The following SPATA16 variants were observed in gnomAD, a reference collection of about 807,000 sequenced individuals.
SPATA16 encodes spermatogenesis associated 16, also known as spermatogenesis-associated protein 16.
A neutral mutation model predicts 63.3 loss-of-function variants in SPATA16; 36 were observed. That is an observed-to-expected ratio of 0.57 (90% CI 0.44 to 0.75). The LOEUF (loss-of-function observed/expected upper bound fraction) is 0.75, where lower values mean the gene tolerates loss of function less well. Among genes scored for constraint, SPATA16 ranks in the 30% least tolerant of loss-of-function variants. The probability of loss-of-function intolerance (pLI) is 0.00; values close to 1 mark genes in which losing one functional copy is unlikely to be tolerated. For synonymous variants in SPATA16, 203 were observed against 216.7 expected (o/e 0.94, Z 0.56); for missense variants, 646 against 679.3 (o/e 0.95, Z 0.54).
intron 1 of SPATA16, among the ~76,000 whole-genome samples, chr3:173,128,387 C>T (rs1738283566): frequency 1.3e-5 from 2 of 152,056 alleles, no homozygotes; most frequent in Non-Finnish European, 2.9e-5. Flanking sequence ...TCTGTAATGA[C>T]CTGTGTCAGT....
intron 3 of SPATA16, among the ~76,000 whole-genome samples, chr3:173,023,653 C>T (rs1007013020): frequency 6.6e-6 from 1 of 151,572 alleles, no homozygotes; most frequent in Admixed American, 6.6e-5. Context: ...TGTGGCATTT[C>T]TCTTCTTTAT....
chr3:172,932,062 A>G (rs992152054), intron 6 of SPATA16, among the ~76,000 whole-genome samples: 3 of 152,218 alleles, frequency 2.0e-5, no homozygotes, highest in Non-Finnish European at 2.9e-5. Flanking sequence ...ACTCATCTAT[A>G]TATGTGAGGG....
At chr3:172,906,514 AAATTCC>A (rs1732241146) in intron 10 of SPATA16, among the ~76,000 whole-genome samples, 2 of 152,232 alleles carry the variant, frequency 1.3e-5, no homozygotes, top group Admixed American at 1.3e-4. Context: ...GTTTATAGCC[AAATTCC>A]ACTTTGGTTG....
chr3:173,052,036 C>T (rs148127123), intron 2 of SPATA16, among the ~76,000 whole-genome samples: 2 of 151,996 alleles, frequency 1.3e-5, no homozygotes, highest in Non-Finnish European at 2.9e-5. Context: ...GTCTTGAACT[C>T]CTGACCTCAG....
rs886460977 is a variant in SPATA16 at position 173,048,645 on chromosome 3, A to G, written c.758+304T>C. On this transcript the variant is annotated intron_variant, in intron 3 of 10. Coordinates refer to ENST00000351008, the MANE Select transcript of SPATA16 (RefSeq NM_031955.6). The stretch of plus-strand genomic sequence containing the variant: ...TTTCGACAATCCCTCTTACGATTCA[A>G]TACCACCTCCCTTACTTACCTATTC... 2.0e-5 allele frequency among the ~76,000 whole-genome samples: 3 copies of G among 152,030 alleles called. No individual in the cohort carries two copies. In the East Asian group the frequency reaches 5.8e-4, roughly 29 times the overall value.
chr3:172,947,986 A>G (rs2109613450), intron 6 of SPATA16, among the ~76,000 whole-genome samples: 1 of 152,304 alleles, frequency 6.6e-6, no homozygotes, highest in Non-Finnish European at 1.5e-5. Context: ...TTCAAGATCT[A>G]GAAAACAATC....
At chr3:172,994,374 C>T (rs1734650791) in intron 4 of SPATA16, among the ~76,000 whole-genome samples, 3 of 152,074 alleles carry the variant, frequency 2.0e-5, no homozygotes, top group Admixed American at 1.3e-4. Context: ...TGGGAGAAAG[C>T]AGAATCAGAG....
chr3:173,083,004 A>G (rs1736960948), intron 2 of SPATA16, among the ~76,000 whole-genome samples: 1 of 152,202 alleles, frequency 6.6e-6, no homozygotes, highest in South Asian at 2.1e-4. Flanking sequence ...ATAAAATAAA[A>G]GAAATGCTAG....
Position 172,889,834 on chromosome 3 carries a change from A to G in SPATA16, c.1588-142T>C, listed in dbSNP as rs1731857924. 8.4e-6 allele frequency: 10 copies of G among 1,197,216 alleles called. No homozygotes were observed. In the South Asian group the frequency reaches 1.5e-4, roughly 18 times the overall value. 74.2% of individuals were successfully genotyped at this position (1,197,216 alleles called of 1,614,324 possible). On this transcript the variant is annotated intron_variant, in intron 10 of 10. Coordinates refer to ENST00000351008, the MANE Select transcript of SPATA16 (RefSeq NM_031955.6). ...AACTGGCAGAAACAGAAATGATTAC[A>G]CATAAAAGCCTTCTTCTGTTTCCAT...
At chr3:172,999,281 C>T (rs1560092271) in intron 4 of SPATA16, among the ~76,000 whole-genome samples, 2 of 152,124 alleles carry the variant, frequency 1.3e-5, no homozygotes, top group Non-Finnish European at 2.9e-5. Context: ...CAGATTATGT[C>T]TTTCAAGGAG....
intron 4 of SPATA16, among the ~76,000 whole-genome samples, chr3:172,992,729 TCAGAAGACTCAAGG>T (rs1272929188): frequency 6.6e-6 from 1 of 151,984 alleles, no homozygotes; most frequent in East Asian, 1.9e-4. Flanking sequence ...AAGATGAACA[TCAGAAGACTCAAGG>T]CCCTGCCCAA....
chr3:172,970,965 CAA>C (rs757182050), intron 5 of SPATA16, among the ~76,000 whole-genome samples: 1 of 152,022 alleles, frequency 6.6e-6, no homozygotes, highest in Non-Finnish European at 1.5e-5. Context: ...AGAAGAAAAA[CAA>C]AGAATAGAAG....
At chr3:173,026,110 T>G (rs1735447628) in intron 3 of SPATA16, among the ~76,000 whole-genome samples, 1 of 151,998 alleles carries the variant, frequency 6.6e-6, no homozygotes, top group Non-Finnish European at 1.5e-5. Flanking sequence ...GCGTGTGTTG[T>G]GTTTAAAGTT....
At chr3:172,920,392 A>C (rs905408725) in intron 8 of SPATA16, among the ~76,000 whole-genome samples, 2 of 152,256 alleles carry the variant, frequency 1.3e-5, no homozygotes, top group African/African-American at 4.8e-5. Flanking sequence ...TGTACTTTAA[A>C]AAAGATATGT....
At chr3:173,088,022 C>CTTTCTTTCT (rs1737109359) in intron 2 of SPATA16, among the ~76,000 whole-genome samples, 1 of 108,958 alleles carries the variant, frequency 9.2e-6, no homozygotes, top group African/African-American at 3.4e-5. Flanking sequence ...TTCTTTCTTT[C>CTTTCTTTCT]TTTCTTTCTT....
At chr3:172,999,656 C>T (rs1381064572) in intron 4 of SPATA16, among the ~76,000 whole-genome samples, 4 of 152,124 alleles carry the variant, frequency 2.6e-5, no homozygotes, top group African/African-American at 7.2e-5. Context: ...TCAGTTGATC[C>T]GCCCGCCTAG....
chr3:173,027,836 GT>G (rs1735486682), intron 3 of SPATA16, among the ~76,000 whole-genome samples: 1 of 151,870 alleles, frequency 6.6e-6, no homozygotes, highest in East Asian at 1.9e-4. Context: ...AGAGACATAT[GT>G]TTTGCTTCTA....
chr3:173,123,312 A>T (rs2108341828), intron 1 of SPATA16, among the ~76,000 whole-genome samples: 1 of 152,348 alleles, frequency 6.6e-6, no homozygotes, highest in Non-Finnish European at 1.5e-5. Flanking sequence ...GAGGTTAAAC[A>T]ACTTGAAAGA....
chr3:172,903,722 A>G (rs953108399), intron 10 of SPATA16, among the ~76,000 whole-genome samples: 1 of 152,192 alleles, frequency 6.6e-6, no homozygotes, highest in South Asian at 2.1e-4. Flanking sequence ...AGCAAACCTT[A>G]ACATGATATG....
Sources: allele counts gnomAD v4.1 joint callset (sites outside exome capture counted in the v4.1 genomes callset), GRCh38; gene constraint gnomAD v4.1.1; transcripts MANE v1.5; gene names NCBI Gene and HGNC (gene_info 2026-07-23, HGNC 2026-07-21).